Variants in CDH13 observed in about 807,000 individuals in gnomAD.
The protein encoded by CDH13 is cadherin-13.
A neutral mutation model predicts 63.8 loss-of-function variants in CDH13; 24 were observed. The observed-to-expected ratio is 0.38, with a 90% CI of 0.27 to 0.53. The LOEUF (loss-of-function observed/expected upper bound fraction) is 0.53, where lower values mean the gene tolerates loss of function less well. Among genes scored for constraint, CDH13 ranks in the 20% least tolerant of loss-of-function variants. CDH13 has a pLI of 0.85. For synonymous variants in CDH13, 503 were observed against 355.3 expected (o/e 1.42, Z -4.67); for missense variants, 1,049 against 903.1 (o/e 1.16, Z -2.07).
intron 6 of CDH13, among the ~76,000 whole-genome samples, chr16:83,461,221 C>T (rs1488019087): frequency 6.6e-6 from 1 of 151,984 alleles, no homozygotes; most frequent in African/African-American, 2.4e-5. Flanking sequence ...TATACACATA[C>T]ATGTATATGT....
intron 4 of CDH13, among the ~76,000 whole-genome samples, chr16:83,216,749 T>C (rs1050196371): frequency 2.7e-5 from 4 of 148,892 alleles, no homozygotes; most frequent in African/African-American, 9.8e-5. Context: ...TTGATATATA[T>C]AATATTTAGG....
In CDH13 at chr16:82,886,029, AAATTAT is replaced by A. The variant is rs144646665; in HGVS notation, c.157+27565_157+27570del. Among the ~76,000 whole-genome samples the A allele has an allele frequency of 5.7e-3, 865 of 152,336 alleles. 12 individuals carry two copies. The highest frequency in any genetic ancestry group is 0.02 in the African/African-American group (820 of 41,584). ...AAGATACATAATATAATGTCTATTAAAATTATAATTATAAATGCAGTCATAAATATA... is the reference window on the plus strand; with the variant it reads ...AAGATACATAATATAATGTCTATTAAAATTATAAATGCAGTCATAAATATA... On this transcript the variant is annotated intron_variant, in intron 2 of 13. Coordinates refer to ENST00000567109, the MANE Select transcript of CDH13 (RefSeq NM_001257.5).
intron 7 of CDH13, among the ~76,000 whole-genome samples, chr16:83,556,159 C>G (rs537432198): frequency 3.3e-5 from 5 of 152,162 alleles, no homozygotes; most frequent in African/African-American, 1.2e-4. Context: ...CTAACTCAAA[C>G]GTTAGGAGAG....
At chr16:83,555,233 G>A (rs1307232344) in intron 7 of CDH13, among the ~76,000 whole-genome samples, 8 of 152,090 alleles carry the variant, frequency 5.3e-5, no homozygotes, top group Non-Finnish European at 1.0e-4. Context: ...TTTGTACAGT[G>A]GTAAACTCAA....
chr16:82,699,454 G>A (rs750751313), intron 1 of CDH13, among the ~76,000 whole-genome samples: 1 of 152,168 alleles, frequency 6.6e-6, no homozygotes, highest in African/African-American at 2.4e-5. Context: ...GATTTCAAGG[G>A]CAAAGAAGGT....
chr16:83,053,819 C>A (rs1381736339), intron 3 of CDH13, among the ~76,000 whole-genome samples: 1 of 152,054 alleles, frequency 6.6e-6, no homozygotes, highest in African/African-American at 2.4e-5. Context: ...ACAGCAGCCC[C>A]CCTTATCTAT....
chr16:83,018,008 C>T (rs964489100), intron 2 of CDH13, among the ~76,000 whole-genome samples: 1 of 152,196 alleles, frequency 6.6e-6, no homozygotes, highest in Admixed American at 6.5e-5. Flanking sequence ...AAAAAACTCT[C>T]TTCTTTTTCA....
At chr16:82,676,010 C>G (rs973651750) in intron 1 of CDH13, among the ~76,000 whole-genome samples, 1 of 152,178 alleles carries the variant, frequency 6.6e-6, no homozygotes. Flanking sequence ...TTTTATTGTT[C>G]AAAGGACAGG....
intron 3 of CDH13, among the ~76,000 whole-genome samples, chr16:83,080,863 G>GTGTTTTT (rs2033181067): frequency 1.9e-5 from 1 of 52,712 alleles, no homozygotes; most frequent in African/African-American, 7.6e-5. Context: ...GTTTTGTTTT[G>GTGTTTTT]TTTTTGTGTT....
chr16:83,749,043 G>T (rs758847292), intron 11 of CDH13, among the ~76,000 whole-genome samples: 5 of 152,176 alleles, frequency 3.3e-5, no homozygotes, highest in Non-Finnish European at 7.3e-5. Flanking sequence ...AGGATTTGCC[G>T]TTAACTGAGA....
chr16:83,138,274 C>A (rs1400407073), intron 4 of CDH13, among the ~76,000 whole-genome samples: 4 of 152,160 alleles, frequency 2.6e-5, no homozygotes, highest in Non-Finnish European at 4.4e-5. Context: ...AAGCACTGCA[C>A]TGGCTACTGC....
At chr16:82,684,501 C>G (rs560382190) in intron 1 of CDH13, among the ~76,000 whole-genome samples, 1 of 152,018 alleles carries the variant, frequency 6.6e-6, no homozygotes, top group Non-Finnish European at 1.5e-5. Flanking sequence ...GCCATGTGCA[C>G]GGGTAGAGAA....
At chr16:83,410,058 G>A (rs1368223720) in intron 6 of CDH13, among the ~76,000 whole-genome samples, 1 of 152,230 alleles carries the variant, frequency 6.6e-6, no homozygotes, top group Admixed American at 6.5e-5. Flanking sequence ...TGGTGAAAAG[G>A]TCCCTGAGAG....
intron 1 of CDH13, among the ~76,000 whole-genome samples, chr16:82,634,617 T>C (rs1908425594): frequency 6.6e-6 from 1 of 152,248 alleles, no homozygotes; most frequent in Non-Finnish European, 1.5e-5. Context: ...TAATTGTTTA[T>C]GGCTGCTTTT....
intron 7 of CDH13, among the ~76,000 whole-genome samples, chr16:83,590,194 T>C (rs1906594805): frequency 6.6e-6 from 1 of 152,144 alleles, no homozygotes; most frequent in Non-Finnish European, 1.5e-5. Flanking sequence ...AGCTGGACAG[T>C]TCGCTCTGGC....
rs779953825 is a variant in CDH13, at chr16:83,156,590, G to C, written c.483+31089G>C. 2.0e-5 allele frequency among the ~76,000 whole-genome samples: 3 copies of C among 152,106 alleles called. No individual in the cohort carries two copies. In the South Asian group the frequency reaches 6.2e-4, roughly 32 times the overall value. Reference sequence around the variant, plus strand: ...TTGCACAAAGGTTTATGTTTTCAAAGCCTCCAGATAAAAGGCACCATGGGC... The same window carrying C: ...TTGCACAAAGGTTTATGTTTTCAAACCCTCCAGATAAAAGGCACCATGGGC... On this transcript the variant is annotated intron_variant, in intron 4 of 13. Transcript: ENST00000567109.
At chr16:82,908,406 G>A (rs1444854801) in intron 2 of CDH13, among the ~76,000 whole-genome samples, 2 of 152,242 alleles carry the variant, frequency 1.3e-5, no homozygotes, top group East Asian at 3.9e-4. Flanking sequence ...GGAACACTGG[G>A]AGGTCAAAAG....
chr16:83,452,065 A>T (rs2072900791), intron 6 of CDH13, among the ~76,000 whole-genome samples: 1 of 152,068 alleles, frequency 6.6e-6, no homozygotes, highest in South Asian at 2.1e-4. Flanking sequence ...GTCAGCCCTA[A>T]TGTCACACGC....
chr16:83,448,892 A>T (rs997832063), intron 6 of CDH13, among the ~76,000 whole-genome samples: 8 of 152,202 alleles, frequency 5.3e-5, no homozygotes, highest in African/African-American at 1.7e-4. Context: ...TTTGGAGGTT[A>T]CTGATGACTT....
Sources: gnomAD v4.1 joint callset for allele counts (sites outside exome capture counted in the v4.1 genomes callset) on GRCh38, gnomAD v4.1.1 for gene constraint, MANE v1.5 for transcripts, NCBI Gene and HGNC (gene_info 2026-07-23, HGNC 2026-07-21) for gene names.